MAGI3: variants seen among roughly 807,000 people sequenced by gnomAD.
MAGI3 encodes the protein membrane-associated guanylate kinase, WW and PDZ domain-containing protein 3.
MAGI3 carries 43 observed loss-of-function variants against 121.8 expected under a neutral mutation model. The observed-to-expected ratio is 0.35, with a 90% CI of 0.28 to 0.46. The LOEUF (loss-of-function observed/expected upper bound fraction) is 0.46, where lower values mean the gene tolerates loss of function less well. Ranked by LOEUF, MAGI3 falls within the 20% of genes least tolerant of loss-of-function variation. The pLI is 1.00. For missense variants in MAGI3, 1,547 were observed against 1,797.3 expected, an observed-to-expected ratio of 0.86 and a Z score of 2.52; for synonymous variants, 553 against 639.3, an observed-to-expected ratio of 0.86 and a Z score of 2.04.
At chr1:113,544,718 GT>G (rs998719588) in intron 1 of MAGI3, among the ~76,000 whole-genome samples, 2 of 152,182 alleles carry the variant, frequency 1.3e-5, no homozygotes, top group African/African-American at 4.8e-5. Flanking sequence ...AGCTTTTAAG[GT>G]TGTGTTTGGA....
chr1:113,520,387 G>A (rs948560430), intron 1 of MAGI3, among the ~76,000 whole-genome samples: 3 of 151,936 alleles, frequency 2.0e-5, no homozygotes, highest in African/African-American at 7.3e-5. Flanking sequence ...CCATGAAGAA[G>A]CCCATATTCT....
At chr1:113,406,296 AAATT>A (rs1651677118) in intron 1 of MAGI3, among the ~76,000 whole-genome samples, 1 of 151,186 alleles carries the variant, frequency 6.6e-6, no homozygotes, top group Non-Finnish European at 1.5e-5. Context: ...AAAAAAAAAA[AAATT>A]AGCCGGGTGT....
intron 7 of MAGI3, among the ~76,000 whole-genome samples, chr1:113,615,801 CTG>C (rs559546081): frequency 3.5e-4 from 54 of 152,236 alleles, no homozygotes; most frequent in African/African-American, 1.3e-3. Context: ...CTTACTGATA[CTG>C]TGATGTAAAA....
intron 14 of MAGI3, among the ~76,000 whole-genome samples, chr1:113,652,219 C>G (rs921455594): frequency 7.2e-5 from 11 of 152,022 alleles, no homozygotes; most frequent in African/African-American, 2.4e-4. Flanking sequence ...TGAATTCTTT[C>G]CACTTTAAAA....
At chr1:113,586,796 A>G (rs1344553151) in intron 4 of MAGI3, among the ~76,000 whole-genome samples, 1 of 152,164 alleles carries the variant, frequency 6.6e-6, no homozygotes, top group African/African-American at 2.4e-5. Flanking sequence ...GGAAAAGAAA[A>G]TGTTCTTTTT....
rs562968789 is a variant in MAGI3 at position 113,604,694 on chromosome 1, A to T, written c.1019-9907A>T. ...TTTGCAGCAACTTGGATGGAGCTGG[A>T]GGTCATTATTCTAAGTGACTCAGGA... On this transcript the variant is annotated intron_variant, in intron 6 of 20. Coordinates refer to ENST00000307546, the MANE Select transcript of MAGI3 (RefSeq NM_001142782.2). Among the ~76,000 whole-genome samples, 37 of 151,652 alleles carry T rather than the reference A, an allele frequency of 2.4e-4. No individual in the cohort carries two copies. In the South Asian group the frequency reaches 7.7e-3, roughly 32 times the overall value.
intron 16 of MAGI3, among the ~76,000 whole-genome samples, chr1:113,670,395 C>G (rs1438305683): frequency 6.6e-6 from 1 of 152,174 alleles, no homozygotes; most frequent in Non-Finnish European, 1.5e-5. Flanking sequence ...AATAGTGATG[C>G]ATGTATTGTA....
Position 113,556,004 on chromosome 1 carries a change from C to T in MAGI3, c.433+6373C>T, listed in dbSNP as rs903777401. 4.6e-5 allele frequency among the ~76,000 whole-genome samples: 7 copies of T among 152,102 alleles called. 1 individual carries two copies. Among genetic ancestry groups the T allele is most frequent in the Admixed American group, 4.6e-4 (7 of 15,274 alleles). On this transcript the variant is annotated intron_variant, in intron 2 of 20. Coordinates refer to ENST00000307546, the MANE Select transcript of MAGI3 (RefSeq NM_001142782.2). ...TCACAAAGGAGATTACAAAATATTA[C>T]ACATATCAACCAACAAATTGAAATG...
chr1:113,395,235 C>T (rs1345804111), intron 1 of MAGI3, among the ~76,000 whole-genome samples: 1 of 150,200 alleles, frequency 6.7e-6, no homozygotes, highest in Non-Finnish European at 1.5e-5. Flanking sequence ...TACATTTCTT[C>T]GTACCTTTTT....
chr1:113,477,826 C>T (rs575611939), intron 1 of MAGI3, among the ~76,000 whole-genome samples: 12 of 152,168 alleles, frequency 7.9e-5, no homozygotes, highest in Non-Finnish European at 1.0e-4. Context: ...GAGTGTTTGC[C>T]AACTTAGTTC....
intron 1 of MAGI3, among the ~76,000 whole-genome samples, chr1:113,547,504 C>T (rs1659592918): frequency 6.6e-6 from 1 of 152,134 alleles, no homozygotes; most frequent in South Asian, 2.1e-4. Context: ...AAAACCCTAA[C>T]CAAACTTCCC....
chr1:113,482,872 C>T (rs952661007), intron 1 of MAGI3, among the ~76,000 whole-genome samples: 1 of 151,600 alleles, frequency 6.6e-6, no homozygotes, highest in Non-Finnish European at 1.5e-5. Context: ...GTGGCATGAT[C>T]TTGGCTCACT....
chr1:113,462,257 C>T (rs1655072519), intron 1 of MAGI3, among the ~76,000 whole-genome samples: 1 of 152,166 alleles, frequency 6.6e-6, no homozygotes, highest in African/African-American at 2.4e-5. Context: ...AAGACACATC[C>T]ATGTGAATGT....
chr1:113,670,372 A>C (rs1355482568), intron 16 of MAGI3, among the ~76,000 whole-genome samples: 1 of 152,184 alleles, frequency 6.6e-6, no homozygotes, highest in Non-Finnish European at 1.5e-5. Context: ...TAACAACTTA[A>C]CCCAAGCAAT....
rs566958785 is a variant in MAGI3 at position 113,602,646 on chromosome 1, A to C, written c.1018+8086A>C. ...AAATGAAATTAAAACAAACAAAAAC[A>C]GTAGGCCAGATACTGTGGCTCATGC... On this transcript the variant is annotated intron_variant, in intron 6 of 20. Transcript: ENST00000307546. Among the ~76,000 whole-genome samples, 3 of 152,330 alleles carry C rather than the reference A, an allele frequency of 2.0e-5. No homozygotes were observed. The South Asian group carries it at 6.2e-4, about 32-fold the overall frequency.
intron 1 of MAGI3, among the ~76,000 whole-genome samples, chr1:113,429,239 T>A (rs1653176788): frequency 6.6e-6 from 1 of 152,250 alleles, no homozygotes; most frequent in Non-Finnish European, 1.5e-5. Flanking sequence ...CATTGTTAGC[T>A]GCATACGTGA....
chr1:113,414,417 C>G (rs1340393980), intron 1 of MAGI3, among the ~76,000 whole-genome samples: 3 of 152,140 alleles, frequency 2.0e-5, no homozygotes, highest in African/African-American at 7.2e-5. Flanking sequence ...AGGATTCCCT[C>G]TTTTTCTACT....
intron 1 of MAGI3, among the ~76,000 whole-genome samples, chr1:113,445,179 G>A (rs1244588634): frequency 6.6e-6 from 1 of 152,068 alleles, no homozygotes; most frequent in Admixed American, 6.6e-5. Flanking sequence ...GAAAGGGGAA[G>A]AGGGAATATT....
intron 1 of MAGI3, among the ~76,000 whole-genome samples, chr1:113,457,660 G>A (rs1189924303): frequency 6.6e-6 from 1 of 151,420 alleles, no homozygotes; most frequent in Non-Finnish European, 1.5e-5. Context: ...GTTCTTAAGA[G>A]GATTACATTG....
Sources: gnomAD v4.1 joint callset for allele counts (sites outside exome capture counted in the v4.1 genomes callset) on GRCh38, gnomAD v4.1.1 for gene constraint, MANE v1.5 for transcripts, NCBI Gene and HGNC (gene_info 2026-07-23, HGNC 2026-07-21) for gene names.